Variants in OSBPL3 observed in about 807,000 individuals in gnomAD.
OSBPL3 encodes oxysterol-binding protein-related protein 3.
A neutral mutation model predicts 120.1 loss-of-function variants in OSBPL3; 65 were observed. That is an observed-to-expected ratio of 0.54 (90% CI 0.44 to 0.67). The LOEUF is 0.67. OSBPL3 is among the 30% of genes least tolerant of loss of function. The probability of loss-of-function intolerance (pLI) is 0.00; values close to 1 mark genes in which losing one functional copy is unlikely to be tolerated. For synonymous variants in OSBPL3, 416 were observed against 402.6 expected (o/e 1.03, Z -0.40); for missense variants, 1,004 against 1,082.1 (o/e 0.93, Z 1.01).
chr7:24,948,532 G>C (rs1331556646), intron 1 of OSBPL3, among the ~76,000 whole-genome samples: 1 of 151,950 alleles, frequency 6.6e-6, no homozygotes, highest in African/African-American at 2.4e-5. Flanking sequence ...GAATCAGATG[G>C]TGTATAGGAT....
In OSBPL3 at chr7:24,953,395, G is replaced by C. The variant is rs575388070; in HGVS notation, c.-150+26491C>G. ...CTAATTTCCTATCCCTGCCAGAAAG[G>C]CTGCTCAGAAGTTGAGTTTAAATGT... On this transcript the variant is annotated intron_variant, in intron 1 of 22. Coordinates refer to ENST00000313367, the MANE Select transcript of OSBPL3 (RefSeq NM_015550.4). The surrounding 1 kb of genome is among the most constrained non-coding windows in gnomAD (Gnocchi z 4.3). 4.6e-5 allele frequency among the ~76,000 whole-genome samples: 7 copies of C among 152,206 alleles called. No homozygotes were observed. The highest frequency in any genetic ancestry group is 4.1e-4 in the South Asian group (2 of 4,820).
intron 1 of OSBPL3, among the ~76,000 whole-genome samples, chr7:24,957,222 CA>C (rs77386142): frequency 9.5e-4 from 108 of 113,988 alleles, no homozygotes; most frequent in Admixed American, 9.0e-4. Flanking sequence ...GCAGAACAGA[CA>C]AAAAAAAAAA....
chr7:24,891,449 T>G lies in OSBPL3; in HGVS notation c.96+928A>C, dbSNP rs761566323. 1.3e-5 allele frequency among the ~76,000 whole-genome samples: 2 copies of G among 152,316 alleles called. No homozygotes were observed. Among genetic ancestry groups the G allele is most frequent in the African/African-American group, 2.4e-5 (1 of 41,568 alleles). Reference sequence around the variant, plus strand: ...CGTGACTGAGGTGGGAGTTGCTTAATTGCTGCTTCCAATTCTGGAACCAAA... The same window carrying G: ...CGTGACTGAGGTGGGAGTTGCTTAAGTGCTGCTTCCAATTCTGGAACCAAA... On this transcript the variant is annotated intron_variant, in intron 2 of 22. Transcript: ENST00000313367. The surrounding 1 kb of genome is among the most constrained non-coding windows in gnomAD (Gnocchi z 4.1).
chr7:24,952,325 A>G lies in OSBPL3; in HGVS notation c.-150+27561T>C, dbSNP rs1230155358. On this transcript the variant is annotated intron_variant, in intron 1 of 22. Transcript: ENST00000313367. The surrounding 1 kb of genome is among the most constrained non-coding windows in gnomAD (Gnocchi z 4.4). ...CCAACTTTTTATTTTAAGGACAGAG[A>G]AACTGAGGCCCACAAGGCTCAAGTT... Among the ~76,000 whole-genome samples, 1 of 152,224 alleles carries G rather than the reference A, an allele frequency of 6.6e-6. No individual in the cohort carries two copies. The highest frequency in any genetic ancestry group is 1.5e-5 in the Non-Finnish European group (1 of 68,042).
intron 1 of OSBPL3, among the ~76,000 whole-genome samples, chr7:24,934,507 T>TG (rs900626827): frequency 6.6e-6 from 1 of 152,212 alleles, no homozygotes; most frequent in Non-Finnish European, 1.5e-5. Flanking sequence ...ATCTATCTTT[T>TG]GGCCCCCAAC....
chr7:24,905,846 C>A (rs1380004643), intron 1 of OSBPL3, among the ~76,000 whole-genome samples: 2 of 152,182 alleles, frequency 1.3e-5, no homozygotes, highest in African/African-American at 2.4e-5. Context: ...GCCTGGCCAA[C>A]ATGGTTGAAA....
chr7:24,866,344 C>T (rs533138637), intron 5 of OSBPL3, 107 bp from the exon 6 acceptor site: 27 of 870,130 alleles, frequency 3.1e-5, no homozygotes, highest in Admixed American at 2.5e-4. Context: ...TCAGTTGGCA[C>T]GTAATTTCAA....
At chr7:24,825,990 G>C (rs746922180) in intron 16 of OSBPL3, among the ~76,000 whole-genome samples, 17 of 152,200 alleles carry the variant, frequency 1.1e-4, no homozygotes, top group Non-Finnish European at 2.1e-4. Context: ...GCTACTTTTA[G>C]ACTGTAGCTT....
Position 24,922,884 on chromosome 7 carries a change from T to C in OSBPL3, c.-149-30263A>G, listed in dbSNP as rs1204251865. Among the ~76,000 whole-genome samples the C allele has an allele frequency of 6.6e-6, 1 of 152,150 alleles. No individual in the cohort carries two copies. Among genetic ancestry groups the C allele is most frequent in the East Asian group, 1.9e-4 (1 of 5,190 alleles). On this transcript the variant is annotated intron_variant, in intron 1 of 22. Coordinates refer to ENST00000313367, the MANE Select transcript of OSBPL3 (RefSeq NM_015550.4). The surrounding 1 kb of genome is among the most constrained non-coding windows in gnomAD (Gnocchi z 4.3). ...TAATTCTGATTCCAAAGCAAGCTTA[T>C]TACTTTAGGGTCGATGCAGCAAACA...
rs762230245 is a variant in OSBPL3 at position 24,918,388 on chromosome 7, A to G, written c.-149-25767T>C. Among the ~76,000 whole-genome samples, 3 of 152,188 alleles carry G rather than the reference A, an allele frequency of 2.0e-5. No homozygotes were observed. The highest frequency in any genetic ancestry group is 1.9e-4 in the East Asian group (1 of 5,192). On this transcript the variant is annotated intron_variant, in intron 1 of 22. Coordinates refer to ENST00000313367, the MANE Select transcript of OSBPL3 (RefSeq NM_015550.4). The surrounding 1 kb of genome is among the most constrained non-coding windows in gnomAD (Gnocchi z 4.3). ...ACTCACACTCAATCCTTCCTATTTC[A>G]GTCTGGAATTACCCCAGAGAGAAAA...
At chr7:24,970,231 C>T (rs151074061) in intron 1 of OSBPL3, among the ~76,000 whole-genome samples, 3,051 of 151,420 alleles carry the variant, frequency 0.02, 99 homozygotes, top group South Asian at 0.081. Flanking sequence ...CCTCAGCCTC[C>T]GAGTAGCTGA....
intron 1 of OSBPL3, among the ~76,000 whole-genome samples, chr7:24,924,683 AT>A (rs1196298273): frequency 6.6e-6 from 1 of 152,184 alleles, no homozygotes; most frequent in African/African-American, 2.4e-5. Flanking sequence ...AGCCAATTCC[AT>A]TTTTAAGTGT....
chr7:24,944,004 T>C (rs1173016678), intron 1 of OSBPL3, among the ~76,000 whole-genome samples: 1 of 146,350 alleles, frequency 6.8e-6, no homozygotes, highest in Non-Finnish European at 1.5e-5. Flanking sequence ...CAGGAGACTA[T>C]AAGTAGTCAA....
In OSBPL3 at chr7:24,898,360, C is replaced by T. The variant is rs1373350422; in HGVS notation, c.-149-5739G>A. Among the ~76,000 whole-genome samples, 1 of 152,164 alleles carries T rather than the reference C, an allele frequency of 6.6e-6. No individual in the cohort carries two copies. Among genetic ancestry groups the T allele is most frequent in the Non-Finnish European group, 1.5e-5 (1 of 68,022 alleles). ...CCTGACTGTTTCTGGGAGAGGAGTACTAAGTTTCTGGGAGATGAGTACTAA... is the reference window on the plus strand; with the variant it reads ...CCTGACTGTTTCTGGGAGAGGAGTATTAAGTTTCTGGGAGATGAGTACTAA... On this transcript the variant is annotated intron_variant, in intron 1 of 22. Coordinates refer to ENST00000313367, the MANE Select transcript of OSBPL3 (RefSeq NM_015550.4). This position sits in a 1 kb window ranked among gnomAD's most constrained non-coding sequence, Gnocchi z 4.3.
chr7:24,935,573 T>A (rs182570726), intron 1 of OSBPL3, among the ~76,000 whole-genome samples: 1 of 152,312 alleles, frequency 6.6e-6, no homozygotes, highest in African/African-American at 2.4e-5. Context: ...TTAGGCCATA[T>A]ACTTCAGTTA....
intron 1 of OSBPL3, among the ~76,000 whole-genome samples, chr7:24,908,473 A>G (rs942040244): frequency 2.0e-5 from 3 of 152,084 alleles, no homozygotes; most frequent in African/African-American, 4.8e-5. Flanking sequence ...TCCTATTACA[A>G]TCTTTCTTCC....
rs1192655427 is a variant in OSBPL3 at position 24,883,650 on chromosome 7, T to C, written c.96+8727A>G. ...CACCCAAATATATTTGCTGTGATTA[T>C]TATTCCAGGATTGCAGAACAATACA... On this transcript the variant is annotated intron_variant, in intron 2 of 22. Coordinates refer to ENST00000313367, the MANE Select transcript of OSBPL3 (RefSeq NM_015550.4). This position sits in a 1 kb window ranked among gnomAD's most constrained non-coding sequence, Gnocchi z 5.4. 1.3e-5 allele frequency among the ~76,000 whole-genome samples: 2 copies of C among 152,234 alleles called. No homozygotes were observed. The highest frequency in any genetic ancestry group is 4.8e-5 in the African/African-American group (2 of 41,462).
Position 24,840,784 on chromosome 7 carries a change from C to T in OSBPL3, c.1402-1G>A. 7.5e-7 allele frequency: 1 copy of T among 1,326,602 alleles called. No homozygotes were observed. Among genetic ancestry groups the T allele is most frequent in the Non-Finnish European group, 1.1e-6 (1 of 949,024 alleles). The allele number at this position is 1,326,602 out of a possible 1,614,324, so 82.2% of individuals were successfully genotyped here. A position where few individuals can be genotyped will look rare whatever the true frequency, so the allele number is the denominator to read the frequency against. ...TGACATATGAGTCATCATCAGAAAT[C>T]TATGGGAAAGAAGAAATAACATTCA... On this transcript the variant is annotated splice_acceptor_variant, in intron 13 of 22. Transcript: ENST00000313367. LOFTEE classifies it high-confidence loss of function.
At position 24,854,114 on chromosome 7, in the gene OSBPL3, T is replaced by C. The variant is rs749533077; in HGVS notation, c.1028-1480A>G. On this transcript the variant is annotated intron_variant, in intron 10 of 22. Coordinates refer to ENST00000313367, the MANE Select transcript of OSBPL3 (RefSeq NM_015550.4). The surrounding 1 kb of genome is among the most constrained non-coding windows in gnomAD (Gnocchi z 4.1). Reference sequence around the variant, plus strand: ...TATTCATTAGGTTTTGATCACATCATGTACAAATTACTTCCTAGGGATGAG... The same window carrying C: ...TATTCATTAGGTTTTGATCACATCACGTACAAATTACTTCCTAGGGATGAG... Among the ~76,000 whole-genome samples the C allele has an allele frequency of 6.6e-6, 1 of 151,894 alleles. No homozygotes were observed. The highest frequency in any genetic ancestry group is 1.5e-5 in the Non-Finnish European group (1 of 67,982).
Sources: allele counts gnomAD v4.1 joint callset (sites outside exome capture counted in the v4.1 genomes callset), GRCh38; gene constraint gnomAD v4.1.1; non-coding constraint Gnocchi (gnomAD v3.1); transcripts MANE v1.5; gene names NCBI Gene and HGNC (gene_info 2026-07-23, HGNC 2026-07-21).